The following BAZ2B variants were observed in gnomAD, a reference collection of about 807,000 sequenced individuals.
BAZ2B encodes the protein bromodomain adjacent to zinc finger domain protein 2B.
BAZ2B carries 91 observed loss-of-function variants against 246.0 expected under a neutral mutation model. The ratio of observed to expected loss-of-function variants is 0.37; its 90% confidence interval spans 0.31 to 0.44. BAZ2B has a LOEUF of 0.44. Among genes scored for constraint, BAZ2B ranks in the 20% least tolerant of loss-of-function variants. The pLI, the probability that BAZ2B is intolerant of heterozygous loss-of-function variation, is 1.00. For synonymous variants in BAZ2B, 855 were observed against 860.0 expected (o/e 0.99, Z 0.10); for missense variants, 2,332 against 2,533.7 (o/e 0.92, Z 1.71).
intron 14 of BAZ2B, among the ~76,000 whole-genome samples, chr2:159,406,945 G>C (rs1011644287): frequency 6.6e-6 from 1 of 151,620 alleles, no homozygotes; most frequent in African/African-American, 2.4e-5. Context: ...TAGTAGAGAC[G>C]GGGTTTCACC....
chr2:159,325,940 A>C (rs1376532997), intron 34 of BAZ2B, 22 bp from the exon 35 acceptor site: 1 of 1,547,714 alleles, frequency 6.5e-7, no homozygotes, highest in Non-Finnish European at 8.7e-7. Flanking sequence ...AAAAAAAGTA[A>C]ATGAGGTGTA....
upstream of BAZ2B, among the ~76,000 whole-genome samples, chr2:159,617,810 A>G (rs1396998982): frequency 6.6e-6 from 1 of 151,910 alleles, no homozygotes; most frequent in Admixed American, 6.6e-5. Flanking sequence ...GTCTTTTTGC[A>G]TGCACTGAGA....
chr2:159,618,460 C>A (rs189851366), upstream of BAZ2B, among the ~76,000 whole-genome samples: 1 of 151,988 alleles, frequency 6.6e-6, no homozygotes, highest in African/African-American at 2.4e-5. Flanking sequence ...GTCAACAGTT[C>A]TATAATCTCA....
chr2:159,681,881 C>T, the BAZ2B span, among the ~76,000 whole-genome samples: 7 of 151,988 alleles, frequency 4.6e-5, no homozygotes, highest in Admixed American at 1.3e-4. Context: ...GCTGAGATCA[C>T]GCCACTGCAC....
chr2:159,590,546 C>T (rs888406090), intron 1 of BAZ2B, among the ~76,000 whole-genome samples: 2 of 151,872 alleles, frequency 1.3e-5, no homozygotes, highest in Non-Finnish European at 2.9e-5. Context: ...GAGCCAAGAT[C>T]GTGCCACTTC....
chr2:159,646,311 G>C, the BAZ2B span, among the ~76,000 whole-genome samples: 1 of 152,176 alleles, frequency 6.6e-6, no homozygotes, highest in Non-Finnish European at 1.5e-5. Context: ...CAGAGTTTAA[G>C]GTTATCTCTC....
At chr2:159,495,658 A>G (rs1458772443) in intron 2 of BAZ2B, among the ~76,000 whole-genome samples, 1 of 152,072 alleles carries the variant, frequency 6.6e-6, no homozygotes, top group Non-Finnish European at 1.5e-5. Context: ...TTTATGATTC[A>G]TCTTTACTTA....
At chr2:159,518,234 T>G (rs748426395) in intron 2 of BAZ2B, among the ~76,000 whole-genome samples, 1 of 152,206 alleles carries the variant, frequency 6.6e-6, no homozygotes, top group Non-Finnish European at 1.5e-5. Context: ...TCACTGAAGG[T>G]GGTTTTTATC....
chr2:159,618,661 C>T (rs762193345), upstream of BAZ2B, among the ~76,000 whole-genome samples: 5 of 151,960 alleles, frequency 3.3e-5, no homozygotes, highest in African/African-American at 4.8e-5. Flanking sequence ...TATTTCTATG[C>T]GTAAAGTATT....
rs541736446 is a variant in BAZ2B at position 159,336,260 on chromosome 2, A to T, written c.5796+682T>A. 3.3e-5 allele frequency among the ~76,000 whole-genome samples: 5 copies of T among 152,382 alleles called. No homozygotes were observed. The East Asian group carries it at 9.6e-4, about 29-fold the overall frequency. On this transcript the variant is annotated intron_variant, in intron 33 of 36. Transcript: ENST00000392783. The stretch of plus-strand genomic sequence containing the variant: ...TAAAAGAGGCAAGAGGGACACTTGT[A>T]CATGATTTAAAGTAAATATTTCTCT...
At chr2:159,651,002 C>T in the BAZ2B span, among the ~76,000 whole-genome samples, 1 of 152,040 alleles carries the variant, frequency 6.6e-6, no homozygotes, top group Non-Finnish European at 1.5e-5. Context: ...ATATAAGATC[C>T]TATTCGTTTA....
chr2:159,500,792 A>G (rs1243789069), intron 2 of BAZ2B, among the ~76,000 whole-genome samples: 1 of 151,838 alleles, frequency 6.6e-6, no homozygotes, highest in Non-Finnish European at 1.5e-5. Context: ...AGTCTTTACT[A>G]AAAGTACAAA....
chr2:159,696,779 T>TTTTTG, the BAZ2B span, among the ~76,000 whole-genome samples: 6 of 152,180 alleles, frequency 3.9e-5, no homozygotes, highest in Non-Finnish European at 5.9e-5. Flanking sequence ...ATGCAGTGTT[T>TTTTTG]TTTTGTTTTG....
In BAZ2B at chr2:159,495,478, C is replaced by G. The variant is rs545849979; in HGVS notation, c.-2-16757G>C. On this transcript the variant is annotated intron_variant, in intron 2 of 36. Transcript: ENST00000392783. Reference sequence around the variant, plus strand: ...CCAGCCTGGGCGACAGAGCGAGACTCCGTCTCAAAAAAAAAAAAAAAAAAA... The same window carrying G: ...CCAGCCTGGGCGACAGAGCGAGACTGCGTCTCAAAAAAAAAAAAAAAAAAA... Among the ~76,000 whole-genome samples the G allele has an allele frequency of 5.2e-3, 418 of 80,406 alleles. 1 individual carries two copies. Among genetic ancestry groups the G allele is most frequent in the Non-Finnish European group, 7.4e-3 (336 of 45,200 alleles). The allele number at this position is 80,406 out of a possible 152,430, so 52.7% of individuals were successfully genotyped here. A position where few individuals can be genotyped will look rare whatever the true frequency, so the allele number is the denominator to read the frequency against.
At position 159,374,773 on chromosome 2, in the gene BAZ2B, G is replaced by C. The variant is rs367720647; in HGVS notation, c.4006-20C>G. The C allele has an allele frequency of 1.1e-5, 17 of 1,597,374 alleles. No individual in the cohort carries two copies. The highest frequency in any genetic ancestry group is 3.3e-5 in the South Asian group (3 of 90,700). On this transcript the variant is annotated intron_variant, in intron 25 of 36. Coordinates refer to ENST00000392783, the MANE Select transcript of BAZ2B (RefSeq NM_013450.4). ...TTCATCCTATACATAAGAAAATACA[G>C]TGTCATTTATCTGTTTTAAGATTTA...
chr2:159,537,580 T>C (rs1209746003), intron 2 of BAZ2B, among the ~76,000 whole-genome samples: 1 of 152,200 alleles, frequency 6.6e-6, no homozygotes, highest in Non-Finnish European at 1.5e-5. Context: ...ACCTTCTTCT[T>C]CCCTCCTGCC....
chr2:159,438,801 G>T lies in BAZ2B; in HGVS notation c.901-106C>A, dbSNP rs962576570. On this transcript the variant is annotated intron_variant, in intron 7 of 36. Transcript: ENST00000392783. ...CGGGTACTTTCAAAGTGTTCTTAAT[G>T]CCTTATGATAATATCTAAAAATCTA... is the stretch of plus-strand genomic sequence containing the variant. 5.2e-6 allele frequency: 7 copies of T among 1,333,600 alleles called. No individual in the cohort carries two copies. In the South Asian group the frequency reaches 7.2e-5, roughly 14 times the overall value. The allele number at this position is 1,333,600 out of a possible 1,614,324, so 82.6% of individuals were successfully genotyped here. A position where few individuals can be genotyped will look rare whatever the true frequency, so the allele number is the denominator to read the frequency against.
chr2:159,523,647 T>C (rs1480955656), intron 2 of BAZ2B, among the ~76,000 whole-genome samples: 1 of 149,102 alleles, frequency 6.7e-6, no homozygotes, highest in African/African-American at 2.5e-5. Context: ...GAGGTTGCAG[T>C]GAACTGTGAC....
the BAZ2B span, among the ~76,000 whole-genome samples, chr2:159,663,450 G>A: frequency 7.0e-4 from 106 of 151,376 alleles, no homozygotes; most frequent in African/African-American, 2.3e-3. Flanking sequence ...TGATCCTCCC[G>A]CCTTGGCCTC....
Sources: allele counts gnomAD v4.1 joint callset (sites outside exome capture counted in the v4.1 genomes callset), GRCh38; gene constraint gnomAD v4.1.1; transcripts MANE v1.5; gene names NCBI Gene and HGNC (gene_info 2026-07-23, HGNC 2026-07-21).